The following EGLN2 variants were observed in gnomAD, a reference collection of about 807,000 sequenced individuals.
EGLN2 encodes prolyl hydroxylase EGLN2.
Under a neutral mutation model 38.2 loss-of-function variants are expected in EGLN2, and 15 were observed. That is an observed-to-expected ratio of 0.39 (90% CI 0.26 to 0.60). The LOEUF is 0.60. Among genes scored for constraint, EGLN2 ranks in the 20% least tolerant of loss-of-function variants. The pLI is 0.50. For synonymous variants in EGLN2, 284 were observed against 237.4 expected, an observed-to-expected ratio of 1.20 and a Z score of -1.81; for missense variants, 492 against 570.4, an observed-to-expected ratio of 0.86 and a Z score of 1.40.
intron 2 of EGLN2, among the ~76,000 whole-genome samples, chr19:40,803,593 G>A (rs1010854054): frequency 1.3e-5 from 2 of 152,154 alleles, no homozygotes; most frequent in Non-Finnish European, 2.9e-5. Context: ...AGTGTGGCTA[G>A]AGCCAGTAGA....
chr19:40,806,508 T>TG, intron 2 of EGLN2, 47 bp from the exon 3 acceptor site: 1 of 1,608,858 alleles, frequency 6.2e-7, no homozygotes, highest in South Asian at 1.1e-5. Flanking sequence ...TTCTCTAAGA[T>TG]GTGCCTGCCT....
intron 2 of EGLN2, chr19:40,805,693 G>C (rs552069939): frequency 3.9e-5 from 6 of 152,282 alleles, no homozygotes; most frequent in Admixed American, 1.3e-4. Flanking sequence ...GCTGGGTCAG[G>C]GGAGTGGCAA....
In EGLN2 at chr19:40,808,284, G is replaced by C; in HGVS notation, c.*420G>C. ...CAAGTCCTCTCACTCCTCCAGCCTG[G>C]AATGTGAAGTGACTCCCCAACCCCT... On this transcript the variant is annotated 3_prime_UTR_variant, in exon 6 of 6. Transcript: ENST00000303961. 2.4e-6 allele frequency: 1 copy of C among 416,844 alleles called. No individual in the cohort carries two copies. The highest frequency in any genetic ancestry group is 4.2e-6 in the Non-Finnish European group (1 of 235,628). The allele number at this position is 416,844 out of a possible 1,614,324, so 25.8% of individuals were successfully genotyped here.
intron 5 of EGLN2, 44 bp from the exon 6 acceptor site, chr19:40,807,765 G>T: frequency 6.2e-7 from 1 of 1,607,120 alleles, no homozygotes; most frequent in Non-Finnish European, 8.5e-7. Flanking sequence ...TGGCTTCTTT[G>T]TCCTTCTGAT....
chr19:40,801,126 G>T lies in EGLN2; in HGVS notation c.554G>T (p.Cys185Phe). 6.2e-7 allele frequency: 1 copy of T among 1,612,858 alleles called. No individual in the cohort carries two copies. Among genetic ancestry groups the T allele is most frequent in the Non-Finnish European group, 8.5e-7 (1 of 1,179,924 alleles). ...ERLALDYIVP[C>F]MRYYGICVKD... is the part of the protein sequence containing the mutation. ...CTGGCCCTGGACTATATCGTGCCCT[G>T]CATGCGGTACTACGGCATCTGCGTC... Residue 185 changes from cysteine (C) to phenylalanine (F), a missense_variant, in exon 2 of 6, where the codon TGC (cysteine) becomes TTC (phenylalanine). Transcript: ENST00000303961.
intron 2 of EGLN2, chr19:40,806,092 T>G (rs2083298803): frequency 6.3e-6 from 1 of 158,704 alleles, no homozygotes; most frequent in Non-Finnish European, 1.4e-5. Flanking sequence ...TTTCAGGCCC[T>G]TCCTTAGGCC....
chr19:40,806,044 A>G (rs970800523), intron 2 of EGLN2: 1 of 155,856 alleles, frequency 6.4e-6, no homozygotes, highest in Admixed American at 6.2e-5. Context: ...AGTTCTTAAC[A>G]TTGCTGCATG....
chr19:40,801,337 C>T lies in EGLN2; in HGVS notation c.765C>T (p.Ala255=), dbSNP rs1419386719. The T allele has an allele frequency of 6.2e-7, 1 of 1,612,418 alleles. No individual in the cohort carries two copies. The highest frequency in any genetic ancestry group is 1.1e-5 in the South Asian group (1 of 91,092). The change falls in exon 2 of 6, where the codon GCC becomes GCT. Residue 255 remains alanine (A), a synonymous_variant. Coordinates refer to ENST00000303961, the MANE Select transcript of EGLN2 (RefSeq NM_080732.4). ...GHEPGCRSIG[A]LMAHVDAVIR... ...AACCAGGCTGTCGAAGCATTGGTGC[C>T]CTCATGGCCCATGTGGACGCCGTCA...
rs150423012 is a variant in EGLN2, at chr19:40,801,373, C to T, written c.801C>T (p.Cys267=). Reference sequence around the variant, plus strand: ...ATGTGGACGCCGTCATCCGCCACTGCGCAGGGCGGCTGGGCAGCTATGTCA... The same window carrying T: ...ATGTGGACGCCGTCATCCGCCACTGTGCAGGGCGGCTGGGCAGCTATGTCA... ...MAHVDAVIRH[C]AGRLGSYVIN... Residue 267 remains cysteine (C), a synonymous_variant, in exon 2 of 6, where the codon TGC becomes TGT. Transcript: ENST00000303961. The T allele has an allele frequency of 2.8e-4, 458 of 1,609,820 alleles. No individual in the cohort carries two copies. The highest frequency in any genetic ancestry group is 3.5e-4 in the Non-Finnish European group (408 of 1,179,782).
In EGLN2 at chr19:40,800,823, A is replaced by G. The variant is rs1007248197; in HGVS notation, c.251A>G (p.Asp84Gly). The change falls in exon 2 of 6, where the codon GAT (aspartate) becomes GGT (glycine). Residue 84 changes from aspartate to glycine, a missense_variant. This residue lies in a region of EGLN2 where 378 missense variants were observed against 386.2 expected (regional missense o/e 0.98). Transcript: ENST00000303961. Reference sequence around the variant, plus strand: ...CTTCGGGACGGTTTTGGCGGGCAGGATGGTGGTGAGCTGCGGCCGCTGCAG... The same window carrying G: ...CTTCGGGACGGTTTTGGCGGGCAGGGTGGTGGTGAGCTGCGGCCGCTGCAG... Reference protein sequence around the residue: ...SPLRDGFGGQDGGELRPLQSE... With the variant: ...SPLRDGFGGQGGGELRPLQSE... 9 of 1,613,138 alleles carry G rather than the reference A, an allele frequency of 5.6e-6. No individual in the cohort carries two copies. The highest frequency in any genetic ancestry group is 1.7e-4 in the Middle Eastern group (1 of 6,052).
rs370699406 is a variant in EGLN2 at position 40,800,683 on chromosome 19, G to C, written c.111G>C (p.Glu37Asp). ...PEPGRARMGV[E>D]SYLPCPLLPS... ...CTGGCCGGGCCAGGATGGGAGTGGAGAGTTACCTGCCCTGTCCCCTGCTCC... is the reference window on the plus strand; with the variant it reads ...CTGGCCGGGCCAGGATGGGAGTGGACAGTTACCTGCCCTGTCCCCTGCTCC... The change falls in exon 2 of 6, where the codon GAG becomes GAC. Residue 37 changes from glutamate to aspartate, a missense_variant. Coordinates refer to ENST00000303961, the MANE Select transcript of EGLN2 (RefSeq NM_080732.4). 4.3e-6 allele frequency: 7 copies of C among 1,613,944 alleles called. No individual in the cohort carries two copies. Among genetic ancestry groups the C allele is most frequent in the Non-Finnish European group, 5.1e-6 (6 of 1,180,026 alleles).
rs2083254290 is a variant in EGLN2 at position 40,801,145 on chromosome 19, C to G, written c.573C>G (p.Ile191Met). The G allele has an allele frequency of 3.7e-6, 6 of 1,612,964 alleles. No individual in the cohort carries two copies. Among genetic ancestry groups the G allele is most frequent in the Non-Finnish European group, 5.1e-6 (6 of 1,179,938 alleles). ...TGCCCTGCATGCGGTACTACGGCAT[C>G]TGCGTCAAGGACAGCTTCCTGGGGG... ...YIVPCMRYYG[I>M]CVKDSFLGAA... Residue 191 changes from isoleucine to methionine, a missense_variant, in exon 2 of 6, where the codon ATC becomes ATG. By Grantham distance (10) the Ile-to-Met change is conservative. Transcript: ENST00000303961.
intron 3 of EGLN2, 96 bp from the exon 4 acceptor site, chr19:40,807,042 G>C: frequency 5.1e-6 from 8 of 1,564,304 alleles, no homozygotes; most frequent in South Asian, 4.6e-5. Context: ...GAGTGATGCA[G>C]GCAGACGCTG....
chr19:40,806,681 G>T lies in EGLN2; in HGVS notation c.963+7G>T. 1 of 1,612,040 alleles carries T rather than the reference G, an allele frequency of 6.2e-7. No individual in the cohort carries two copies. The highest frequency in any genetic ancestry group is 8.5e-7 in the Non-Finnish European group (1 of 1,178,338). Reference sequence around the variant, plus strand: ...TCAGAACTGGGACGTTAAGGTAGGGGTGAGGGTGAGGGTGAGGGTGGCGCT... The same window carrying T: ...TCAGAACTGGGACGTTAAGGTAGGGTTGAGGGTGAGGGTGAGGGTGGCGCT... On this transcript the variant is annotated splice_region_variant and intron_variant, in intron 3 of 5. Coordinates refer to ENST00000303961, the MANE Select transcript of EGLN2 (RefSeq NM_080732.4).
At chr19:40,806,461 GC>G in intron 2 of EGLN2, 93 bp from the exon 3 acceptor site, 5 of 1,573,798 alleles carry the variant, frequency 3.2e-6, no homozygotes, top group Non-Finnish European at 4.3e-6. Context: ...GGAAGATGGG[GC>G]AAGGAGGGGT....
In EGLN2 at chr19:40,801,226, C is replaced by T. The variant is rs867554634; in HGVS notation, c.654C>T (p.Arg218=). 1.9e-6 allele frequency: 3 copies of T among 1,612,566 alleles called. No homozygotes were observed. Among genetic ancestry groups the T allele is most frequent in the Middle Eastern group, 1.6e-4 (1 of 6,062 alleles). The change falls in exon 2 of 6, where the codon CGC becomes CGT. Residue 218 remains arginine (R), a synonymous_variant. Coordinates refer to ENST00000303961, the MANE Select transcript of EGLN2 (RefSeq NM_080732.4). The part of the protein sequence containing the change: ...AEVEALKRGG[R]LRDGQLVSQR... ...TGGAGGCCCTCAAACGGGGTGGGCG[C>T]CTGCGAGACGGGCAGCTAGTGAGCC...
At position 40,800,608 on chromosome 19, in the gene EGLN2, GGCTCTCCCTCA is replaced by G; in HGVS notation, c.38_48del (p.Ala13ValfsTer12). 2 of 1,612,248 alleles carry G rather than the reference GGCTCTCCCTCA, an allele frequency of 1.2e-6. No individual in the cohort carries two copies. Among genetic ancestry groups the G allele is most frequent in the Non-Finnish European group, 1.7e-6 (2 of 1,179,324 alleles). On this transcript the variant is annotated frameshift_variant, in exon 2 of 6. Coordinates refer to ENST00000303961, the MANE Select transcript of EGLN2 (RefSeq NM_080732.4). LOFTEE classifies it high-confidence loss of function. ...CGTGCCAGCCGCAGCCCCTAAGTCAGGCTCTCCCTCAGTTACCAGGGTCTTCGTCAGAGCCC... is the reference window on the plus strand; with the variant it reads ...CGTGCCAGCCGCAGCCCCTAAGTCAGGTTACCAGGGTCTTCGTCAGAGCCC...
In EGLN2 at chr19:40,799,269, A is replaced by C. The variant is rs2083231661; in HGVS notation, c.-235+7A>C. 1 of 147,092 alleles carries C rather than the reference A, an allele frequency of 6.8e-6. No individual in the cohort carries two copies. Among genetic ancestry groups the C allele is most frequent in the Non-Finnish European group, 1.5e-5 (1 of 66,640 alleles). 9.1% of individuals were successfully genotyped at this position (147,092 alleles called of 1,614,324 possible). A position where few individuals can be genotyped will look rare whatever the true frequency, so the allele number is the denominator to read the frequency against. On this transcript the variant is annotated splice_region_variant and intron_variant, in intron 1 of 5. Coordinates refer to ENST00000303961, the MANE Select transcript of EGLN2 (RefSeq NM_080732.4). Reference sequence around the variant, plus strand: ...GGCCGGAGGAAAAAGCTCGGTGAGGAGGTCGCGGGGCGAGAAGGGAGCGGG... The same window carrying C: ...GGCCGGAGGAAAAAGCTCGGTGAGGCGGTCGCGGGGCGAGAAGGGAGCGGG...
At chr19:40,807,048 C>T (rs550825996) in intron 3 of EGLN2, 90 bp from the exon 4 acceptor site, 36 of 1,572,952 alleles carry the variant, frequency 2.3e-5, no homozygotes, top group East Asian at 6.8e-5. Flanking sequence ...TGCAGGCAGA[C>T]GCTGCGCCTC....
Sources: allele counts gnomAD v4.1 joint callset (sites outside exome capture counted in the v4.1 genomes callset), GRCh38; gene constraint gnomAD v4.1.1; regional missense constraint gnomAD v4.1.1; transcripts MANE v1.5; gene names NCBI Gene and HGNC (gene_info 2026-07-23, HGNC 2026-07-21).